Variants in GLS observed in about 807,000 individuals in gnomAD.
GLS encodes the protein glutaminase.
In GLS, 36 loss-of-function variants were observed where a neutral mutation model predicts 86.7. That is an observed-to-expected ratio of 0.42 (90% CI 0.32 to 0.55). The LOEUF is 0.55. GLS is among the 20% of genes least tolerant of loss of function. The probability of loss-of-function intolerance (pLI) is 0.17; values close to 1 mark genes in which losing one functional copy is unlikely to be tolerated. For synonymous variants in GLS, 317 were observed against 305.9 expected (o/e 1.04, Z -0.38); for missense variants, 528 against 833.4 (o/e 0.63, Z 4.51).
intron 11 of GLS, among the ~76,000 whole-genome samples, chr2:190,926,682 CATAGTAAATATCAA>C (rs1252712740): frequency 6.6e-6 from 1 of 152,048 alleles, no homozygotes; most frequent in African/African-American, 2.4e-5. Context: ...TCTTAGCACC[CATAGTAAATATCAA>C]ATAAATATTA....
At chr2:190,944,604 A>C (rs541832238) in intron 14 of GLS, among the ~76,000 whole-genome samples, 1 of 152,290 alleles carries the variant, frequency 6.6e-6, no homozygotes, top group South Asian at 2.1e-4. Flanking sequence ...CCACACAAAG[A>C]TATATTGTTA....
At chr2:190,934,615 A>G (rs1470853102) in intron 14 of GLS, 5 of 984,442 alleles carry the variant, frequency 5.1e-6, no homozygotes, top group East Asian at 1.1e-4. Flanking sequence ...GGTTTCCCCT[A>G]TGATCTAAAT....
chr2:190,960,099 G>T (rs1690963683), intron 17 of GLS, among the ~76,000 whole-genome samples: 1 of 152,042 alleles, frequency 6.6e-6, no homozygotes, highest in Non-Finnish European at 1.5e-5. Flanking sequence ...AAGTGGTCAG[G>T]GAAGGGATAA....
At position 190,964,328 on chromosome 2, in the gene GLS, G is replaced by GCACA. The variant is rs765860305; in HGVS notation, c.*1351_*1354dup. 2 of 152,042 alleles carry GCACA rather than the reference G, an allele frequency of 1.3e-5. No individual in the cohort carries two copies. Among genetic ancestry groups the GCACA allele is most frequent in the African/African-American group, 4.8e-5 (2 of 41,370 alleles). 9.4% of individuals were successfully genotyped at this position (152,042 alleles called of 1,614,324 possible). A position where few individuals can be genotyped will look rare whatever the true frequency, so the allele number is the denominator to read the frequency against. On this transcript the variant is annotated 3_prime_UTR_variant, in exon 18 of 18. Coordinates refer to ENST00000320717, the MANE Select transcript of GLS (RefSeq NM_014905.5). This position sits in a 1 kb window ranked among gnomAD's most constrained non-coding sequence, Gnocchi z 5.2. The stretch of plus-strand genomic sequence containing the variant: ...TGTTAGTGAGGAGTTCTGATATTAA[G>GCACA]CACACACACACATGCACACAAATGG...
intron 1 of GLS, among the ~76,000 whole-genome samples, chr2:190,894,218 A>G (rs1388808209): frequency 6.6e-6 from 1 of 152,174 alleles, no homozygotes; most frequent in Non-Finnish European, 1.5e-5. Context: ...CTTATGTAAA[A>G]TGGCATAATA....
At chr2:190,946,994 A>G (rs1252665431) in intron 14 of GLS, among the ~76,000 whole-genome samples, 1 of 152,172 alleles carries the variant, frequency 6.6e-6, no homozygotes, top group Admixed American at 6.5e-5. Flanking sequence ...CTATCAACAT[A>G]TTTTATAACC....
chr2:190,918,493 G>A (rs918594758), intron 7 of GLS, among the ~76,000 whole-genome samples: 6 of 152,042 alleles, frequency 3.9e-5, no homozygotes, highest in African/African-American at 7.2e-5. Flanking sequence ...AAGGGAAATT[G>A]TAGCTAGTTT....
At chr2:190,904,863 T>G (rs1689078656) in intron 5 of GLS, 141 bp from the exon 6 acceptor site, 2 of 625,256 alleles carry the variant, frequency 3.2e-6, no homozygotes. Context: ...AAATTTATTC[T>G]GTAATTTTGA....
chr2:190,933,529 A>T, intron 14 of GLS: 1 of 938,812 alleles, frequency 1.1e-6, no homozygotes, highest in Non-Finnish European at 1.3e-6. Context: ...GTTGTTATAT[A>T]CAGGAGTGTC....
chr2:190,942,528 A>G (rs977371454), intron 14 of GLS, among the ~76,000 whole-genome samples: 8 of 152,282 alleles, frequency 5.3e-5, no homozygotes, highest in Non-Finnish European at 7.4e-5. Flanking sequence ...ATAGGTAAAT[A>G]AGAGATGTGT....
rs867675400 is a variant in GLS, at chr2:190,920,443, G to C, written c.1039-581G>C. 1.3e-5 allele frequency among the ~76,000 whole-genome samples: 2 copies of C among 151,786 alleles called. No individual in the cohort carries two copies. The highest frequency in any genetic ancestry group is 2.4e-5 in the African/African-American group (1 of 41,412). ...TGAAATATAATTTTTTTTAGTTCAA[G>C]TATATTATAGCAAGTGAGAGCTATT... On this transcript the variant is annotated intron_variant, in intron 7 of 17. Coordinates refer to ENST00000320717, the MANE Select transcript of GLS (RefSeq NM_014905.5). This position sits in a 1 kb window ranked among gnomAD's most constrained non-coding sequence, Gnocchi z 4.2.
Position 190,953,517 on chromosome 2 carries a change from ATG to A in GLS, c.1651-44_1651-43del, listed in dbSNP as rs10529560. 130,787 of 1,203,976 alleles carry A rather than the reference ATG, an allele frequency of 0.11. 8,325 individuals are homozygous for A. The highest frequency in any genetic ancestry group is 0.13 in the Middle Eastern group (699 of 5,242). 74.6% of individuals were successfully genotyped at this position (1,203,976 alleles called of 1,614,324 possible). A position where few individuals can be genotyped will look rare whatever the true frequency, so the allele number is the denominator to read the frequency against. The stretch of plus-strand genomic sequence containing the variant: ...CTTGCCAGTGACAGGTGGACGTTGT[ATG>A]TGTTTTCTCTCTCCTAAGGATGCCT... On this transcript the variant is annotated intron_variant, in intron 14 of 17. Transcript: ENST00000320717. The surrounding 1 kb of genome is among the most constrained non-coding windows in gnomAD (Gnocchi z 4.0).
Position 190,930,336 on chromosome 2 carries a change from G to T in GLS, c.1426-101G>T. On this transcript the variant is annotated intron_variant, in intron 12 of 17. Transcript: ENST00000320717. The surrounding 1 kb of genome is among the most constrained non-coding windows in gnomAD (Gnocchi z 5.0). ...GCCTCCCAAAGTGCTGAGATTACAGGAGTGAGCCATGGTGCCCAGCCCCAG... is the reference window on the plus strand; with the variant it reads ...GCCTCCCAAAGTGCTGAGATTACAGTAGTGAGCCATGGTGCCCAGCCCCAG... 1.2e-6 allele frequency: 1 copy of T among 852,038 alleles called. No homozygotes were observed. 52.8% of individuals were successfully genotyped at this position (852,038 alleles called of 1,614,324 possible). A position where few individuals can be genotyped will look rare whatever the true frequency, so the allele number is the denominator to read the frequency against.
rs1189966965 is a variant in GLS, at chr2:190,930,754, T to G, written c.1557+186T>G. 6.6e-6 allele frequency among the ~76,000 whole-genome samples: 1 copy of G among 152,234 alleles called. No individual in the cohort carries two copies. Among genetic ancestry groups the G allele is most frequent in the African/African-American group, 2.4e-5 (1 of 41,464 alleles). On this transcript the variant is annotated intron_variant, in intron 13 of 17. Coordinates refer to ENST00000320717, the MANE Select transcript of GLS (RefSeq NM_014905.5). The surrounding 1 kb of genome is among the most constrained non-coding windows in gnomAD (Gnocchi z 5.0). Reference sequence around the variant, plus strand: ...TTGTCTCTGTCAGACAGCTCCCATTTAATTATTCCCACAGATTATATTTGT... The same window carrying G: ...TTGTCTCTGTCAGACAGCTCCCATTGAATTATTCCCACAGATTATATTTGT...
At position 190,914,936 on chromosome 2, in the gene GLS, A is replaced by G. The variant is rs1308761661; in HGVS notation, c.1038+4615A>G. On this transcript the variant is annotated intron_variant, in intron 7 of 17. Coordinates refer to ENST00000320717, the MANE Select transcript of GLS (RefSeq NM_014905.5). This position sits in a 1 kb window ranked among gnomAD's most constrained non-coding sequence, Gnocchi z 4.4. Reference sequence around the variant, plus strand: ...GATAATGTTAAAACTCAGTGCCTCTATCAAATTTTCATTCATACAGTATTC... The same window carrying G: ...GATAATGTTAAAACTCAGTGCCTCTGTCAAATTTTCATTCATACAGTATTC... 6.6e-6 allele frequency among the ~76,000 whole-genome samples: 1 copy of G among 152,194 alleles called. No homozygotes were observed. The highest frequency in any genetic ancestry group is 1.5e-5 in the Non-Finnish European group (1 of 68,020).
At chr2:190,939,644 T>A (rs1690370962) in intron 14 of GLS, among the ~76,000 whole-genome samples, 1 of 151,702 alleles carries the variant, frequency 6.6e-6, no homozygotes, top group South Asian at 2.1e-4. Context: ...ATTTTATATG[T>A]GTTATATGTG....
chr2:190,962,981 T>TTGTAATG lies in GLS; in HGVS notation c.2006_*2dup. 1.3e-6 allele frequency: 2 copies of TTGTAATG among 1,591,878 alleles called. No homozygotes were observed. Among genetic ancestry groups the TTGTAATG allele is most frequent in the African/African-American group, 2.7e-5 (2 of 73,842 alleles). ...CGTCCATAAGAATCTTGATGGATTG[T>TTGTAATG]TGTAATGGTCTCAAATCCCAAGATT... is the stretch of plus-strand genomic sequence containing the variant. On this transcript the variant is annotated stop_gained and frameshift_variant, in exon 18 of 18. Transcript: ENST00000320717. LOFTEE classifies it high-confidence loss of function. The surrounding 1 kb of genome is among the most constrained non-coding windows in gnomAD (Gnocchi z 4.2).
chr2:190,907,497 C>G (rs556911430), intron 6 of GLS, among the ~76,000 whole-genome samples: 2 of 152,150 alleles, frequency 1.3e-5, no homozygotes, highest in African/African-American at 4.8e-5. Context: ...CTCAGGTGAT[C>G]TGCCTGCCTC....
At chr2:190,900,531 C>G (rs1377415590) in intron 3 of GLS, 33 bp from the exon 4 acceptor site, 2 of 1,341,244 alleles carry the variant, frequency 1.5e-6, no homozygotes. Flanking sequence ...TGAAATGTAC[C>G]CAGTTTATTA....
Sources: allele counts gnomAD v4.1 joint callset (sites outside exome capture counted in the v4.1 genomes callset), GRCh38; gene constraint gnomAD v4.1.1; non-coding constraint Gnocchi (gnomAD v3.1); transcripts MANE v1.5; gene names NCBI Gene and HGNC (gene_info 2026-07-23, HGNC 2026-07-21).